The following KIRREL3 variants were observed in gnomAD, a reference collection of about 807,000 sequenced individuals.
KIRREL3 encodes the protein kin of IRRE-like protein 3.
KIRREL3 carries 36 observed loss-of-function variants against 89.7 expected under a neutral mutation model. The observed-to-expected ratio is 0.40, with a 90% confidence interval of 0.31 to 0.53. The LOEUF (loss-of-function observed/expected upper bound fraction) is 0.53, where lower values mean the gene tolerates loss of function less well. KIRREL3 is among the 20% of genes least tolerant of loss of function. The probability of loss-of-function intolerance (pLI) is 0.49; values close to 1 mark genes in which losing one functional copy is unlikely to be tolerated. For missense variants in KIRREL3, 864 were observed against 1,056.6 expected (o/e 0.82, Z 2.53); for synonymous variants, 445 against 441.4 (o/e 1.01, Z -0.10).
chr11:126,819,205 C>A (rs1879450), intron 1 of KIRREL3, among the ~76,000 whole-genome samples: 9 of 151,918 alleles, frequency 5.9e-5, no homozygotes, highest in African/African-American at 1.9e-4. Flanking sequence ...CCTGAGGCGA[C>A]GGTCCGGTCA....
rs1339844441 is a variant in KIRREL3 at position 126,923,131 on chromosome 11, C to T, written c.55+77324G>A. 6.1e-5 allele frequency among the ~76,000 whole-genome samples: 2 copies of T among 32,862 alleles called. 1 individual carries two copies. The highest frequency in any genetic ancestry group is 2.9e-4 in the African/African-American group (2 of 6,838). The allele number at this position is 32,862 out of a possible 152,430, so 21.6% of individuals were successfully genotyped here. ...TTCTCCTTCTCCTTCTCCTTCTTCT[C>T]TTCTTCTTCTTCTTCTTCTTCTTCT... On this transcript the variant is annotated intron_variant, in intron 1 of 16. Transcript: ENST00000525144.
intron 1 of KIRREL3, among the ~76,000 whole-genome samples, chr11:126,637,957 G>C (rs141781471): frequency 6.6e-6 from 1 of 152,224 alleles, no homozygotes; most frequent in Admixed American, 6.5e-5. Flanking sequence ...TGAGCAGCAG[G>C]GGCAGCTCCT....
intron 1 of KIRREL3, among the ~76,000 whole-genome samples, chr11:126,777,347 G>A (rs192685318): frequency 1.3e-5 from 2 of 152,138 alleles, no homozygotes; most frequent in African/African-American, 4.8e-5. Context: ...CAGGTCTAGG[G>A]AACAGTGATA....
At chr11:126,824,103 G>C (rs1039762002) in intron 1 of KIRREL3, among the ~76,000 whole-genome samples, 26 of 152,162 alleles carry the variant, frequency 1.7e-4, no homozygotes, top group Admixed American at 1.3e-4. Context: ...GATGATCTTT[G>C]TGAACTCTTT....
At chr11:126,695,406 CAAAAAAAAA>C (rs36034228) in intron 1 of KIRREL3, among the ~76,000 whole-genome samples, 2 of 64,348 alleles carry the variant, frequency 3.1e-5, no homozygotes, top group Non-Finnish European at 2.9e-5. Flanking sequence ...TTAGCTTTAC[CAAAAAAAAA>C]AAAAAAAAAA....
chr11:126,907,973 T>C (rs1365933692), intron 1 of KIRREL3, among the ~76,000 whole-genome samples: 1 of 152,072 alleles, frequency 6.6e-6, no homozygotes, highest in Non-Finnish European at 1.5e-5. Flanking sequence ...TACATCACCT[T>C]TTCAACAAAG....
In KIRREL3 at chr11:126,636,978, G is replaced by A. The variant is rs1944290140; in HGVS notation, c.56-74066C>T. On this transcript the variant is annotated intron_variant, in intron 1 of 16. Coordinates refer to ENST00000525144, the MANE Select transcript of KIRREL3 (RefSeq NM_032531.4). This position sits in a 1 kb window ranked among gnomAD's most constrained non-coding sequence, Gnocchi z 4.4. ...AGGCGATGTGAAAGTCCCTAGGAGG[G>A]TAGGCACTTAGTAATACTAGGCTAC... Among the ~76,000 whole-genome samples the A allele has an allele frequency of 6.6e-6, 1 of 152,178 alleles. No individual in the cohort carries two copies. Among genetic ancestry groups the A allele is most frequent in the Non-Finnish European group, 1.5e-5 (1 of 68,034 alleles).
rs1939866775 is a variant in KIRREL3 at position 126,558,464 on chromosome 11, C to T, written c.133+4371G>A. Reference sequence around the variant, plus strand: ...TTCCCTCTGCTCATGGTCTCAGCCTCCTCTTCCAGAAGTCTAAGAGCCCTG... The same window carrying T: ...TTCCCTCTGCTCATGGTCTCAGCCTTCTCTTCCAGAAGTCTAAGAGCCCTG... On this transcript the variant is annotated intron_variant, in intron 2 of 16. Transcript: ENST00000525144. The surrounding 1 kb of genome is among the most constrained non-coding windows in gnomAD (Gnocchi z 4.0). 1.3e-5 allele frequency among the ~76,000 whole-genome samples: 2 copies of T among 150,362 alleles called. No individual in the cohort carries two copies. The highest frequency in any genetic ancestry group is 1.3e-4 in the Admixed American group (2 of 15,228).
chr11:126,789,944 A>C (rs971831619), intron 1 of KIRREL3, among the ~76,000 whole-genome samples: 1 of 152,150 alleles, frequency 6.6e-6, no homozygotes, highest in Non-Finnish European at 1.5e-5. Flanking sequence ...AAACCTTTAC[A>C]CTATATCCGA....
At chr11:126,866,044 T>A (rs1944907075) in intron 1 of KIRREL3, among the ~76,000 whole-genome samples, 1 of 152,194 alleles carries the variant, frequency 6.6e-6, no homozygotes, top group South Asian at 2.1e-4. Flanking sequence ...ATACATCATT[T>A]AAAGCCTGCT....
chr11:126,859,203 A>C (rs58436115), intron 1 of KIRREL3, among the ~76,000 whole-genome samples: 37,371 of 152,126 alleles, frequency 0.25, 4,640 homozygotes, highest in Admixed American at 0.31. Context: ...GGAGAGGAAC[A>C]CAGGCTATCT....
At chr11:126,882,360 A>C (rs1251640112) in intron 1 of KIRREL3, among the ~76,000 whole-genome samples, 2 of 152,206 alleles carry the variant, frequency 1.3e-5, no homozygotes, top group African/African-American at 2.4e-5. Context: ...TCCATTGCTG[A>C]ACCTCCTCTT....
intron 6 of KIRREL3, among the ~76,000 whole-genome samples, chr11:126,457,377 G>A (rs1351322569): frequency 7.0e-6 from 1 of 143,448 alleles, no homozygotes; most frequent in Admixed American, 7.0e-5. Context: ...ATGCGTGTAT[G>A]TGTGTATGCG....
chr11:126,717,827 C>T (rs7104110), intron 1 of KIRREL3, among the ~76,000 whole-genome samples: 133,130 of 152,250 alleles, frequency 0.87, 58,343 homozygotes, highest in East Asian at 0.99. Flanking sequence ...TGTGGCATAT[C>T]TAATATCCAT....
At chr11:126,505,277 AT>A (rs1372760762) in intron 4 of KIRREL3, among the ~76,000 whole-genome samples, 3 of 152,246 alleles carry the variant, frequency 2.0e-5, no homozygotes, top group Non-Finnish European at 4.4e-5. Context: ...GGTTTAAAAA[AT>A]GTGTTTATCA....
intron 4 of KIRREL3, among the ~76,000 whole-genome samples, chr11:126,481,551 G>C (rs1184918297): frequency 1.3e-5 from 2 of 152,202 alleles, no homozygotes; most frequent in Admixed American, 6.5e-5. Flanking sequence ...CTGTATTTTG[G>C]AGAATGGCCC....
In KIRREL3 at chr11:126,744,094, C is replaced by T. The variant is rs1949065431; in HGVS notation, c.56-181182G>A. 6.6e-6 allele frequency among the ~76,000 whole-genome samples: 1 copy of T among 152,120 alleles called. No individual in the cohort carries two copies. Among genetic ancestry groups the T allele is most frequent in the Non-Finnish European group, 1.5e-5 (1 of 68,038 alleles). ...AAATGTTCCAGAAAGTTGGGACTAGCCAAGGGGCAGAGGGCCCAGGAAGGT... is the reference window on the plus strand; with the variant it reads ...AAATGTTCCAGAAAGTTGGGACTAGTCAAGGGGCAGAGGGCCCAGGAAGGT... On this transcript the variant is annotated intron_variant, in intron 1 of 16. Transcript: ENST00000525144. This position sits in a 1 kb window ranked among gnomAD's most constrained non-coding sequence, Gnocchi z 4.7.
At position 126,970,571 on chromosome 11, in the gene KIRREL3, T is replaced by C. The variant is rs1352432629; in HGVS notation, c.55+29884A>G. On this transcript the variant is annotated intron_variant, in intron 1 of 16. Coordinates refer to ENST00000525144, the MANE Select transcript of KIRREL3 (RefSeq NM_032531.4). This position sits in a 1 kb window ranked among gnomAD's most constrained non-coding sequence, Gnocchi z 4.4. ...CAGTATATTGTCATCTAAGGAAATC[T>C]GATTTTTATTAAGTATCAAATCACA... Among the ~76,000 whole-genome samples the C allele has an allele frequency of 6.6e-6, 1 of 152,240 alleles. No individual in the cohort carries two copies. The highest frequency in any genetic ancestry group is 6.5e-5 in the Admixed American group (1 of 15,282).
intron 1 of KIRREL3, among the ~76,000 whole-genome samples, chr11:126,746,168 C>T (rs1202683556): frequency 1.3e-5 from 2 of 152,234 alleles, no homozygotes; most frequent in South Asian, 2.1e-4. Context: ...TCCTTATTCT[C>T]TTTCACCTAT....
Sources: allele counts gnomAD v4.1 joint callset (sites outside exome capture counted in the v4.1 genomes callset), GRCh38; gene constraint gnomAD v4.1.1; non-coding constraint Gnocchi (gnomAD v3.1); transcripts MANE v1.5; gene names NCBI Gene and HGNC (gene_info 2026-07-23, HGNC 2026-07-21).